The following SCFD2 variants were observed in gnomAD, a reference collection of about 807,000 sequenced individuals.
SCFD2 encodes sec1 family domain-containing protein 2.
A neutral mutation model predicts 58.9 loss-of-function variants in SCFD2; 54 were observed. The ratio of observed to expected loss-of-function variants is 0.92; its 90% CI spans 0.74 to 1.15. The LOEUF (loss-of-function observed/expected upper bound fraction) is 1.15. Ranked by LOEUF, SCFD2 falls within the 50% of genes most tolerant of loss-of-function variation. The pLI, the probability that SCFD2 is intolerant of heterozygous loss-of-function variation, is 0.00. For synonymous variants in SCFD2, 321 were observed against 335.9 expected, an observed-to-expected ratio of 0.96 and a Z score of 0.49; for missense variants, 805 against 836.6, an observed-to-expected ratio of 0.96 and a Z score of 0.47.
chr4:52,902,929 C>A (rs139390129), intron 7 of SCFD2, among the ~76,000 whole-genome samples: 1 of 152,050 alleles, frequency 6.6e-6, no homozygotes, highest in Non-Finnish European at 1.5e-5. Flanking sequence ...TTATAGTAGA[C>A]GTCATGAGGA....
Position 53,329,471 on chromosome 4 carries a change from C to T in SCFD2, c.1008-15708G>A, listed in dbSNP as rs575109832. On this transcript the variant is annotated intron_variant, in intron 2 of 8. Transcript: ENST00000401642. ...CGAGCAGCCTAACTGGGAGGCACCC[C>T]CCAGCAGGGGCACACTGACACCTCA... Among the ~76,000 whole-genome samples the T allele has an allele frequency of 1.9e-3, 290 of 151,400 alleles. 1 individual carries two copies. The highest frequency in any genetic ancestry group is 2.6e-3 in the Non-Finnish European group (173 of 67,800).
intron 5 of SCFD2, among the ~76,000 whole-genome samples, chr4:53,007,348 G>C (rs2148804439): frequency 7.9e-6 from 1 of 126,070 alleles, no homozygotes; most frequent in African/African-American, 3.0e-5. Flanking sequence ...GAGAGAGAGA[G>C]AGAGAAAAGA....
At chr4:53,355,763 G>T (rs1246089640) in intron 1 of SCFD2, among the ~76,000 whole-genome samples, 2 of 151,982 alleles carry the variant, frequency 1.3e-5, no homozygotes, top group Non-Finnish European at 2.9e-5. Context: ...AGCCAAACTG[G>T]GCTCCTAGTG....
intron 4 of SCFD2, among the ~76,000 whole-genome samples, chr4:53,188,621 A>C (rs1303244896): frequency 1.3e-5 from 2 of 152,178 alleles, no homozygotes; most frequent in Non-Finnish European, 2.9e-5. Context: ...TTCATTCTTA[A>C]CGACTGTTAC....
chr4:53,313,135 G>T (rs1027703681), intron 3 of SCFD2, among the ~76,000 whole-genome samples: 3 of 152,130 alleles, frequency 2.0e-5, no homozygotes, highest in African/African-American at 7.2e-5. Context: ...GTAATTCCTG[G>T]TGAAGAAGAA....
intron 5 of SCFD2, among the ~76,000 whole-genome samples, chr4:53,072,216 TA>T (rs1553874160): frequency 6.6e-6 from 1 of 151,996 alleles, no homozygotes. Flanking sequence ...AGAGAAAGGG[TA>T]CTGTTAGCAA....
chr4:52,963,430 C>T (rs888656868), intron 5 of SCFD2, among the ~76,000 whole-genome samples: 11 of 152,210 alleles, frequency 7.2e-5, no homozygotes, highest in Non-Finnish European at 1.3e-4. Flanking sequence ...GGACTGTCTT[C>T]TCTTTCCCAT....
At chr4:53,205,043 A>G (rs1387446426) in intron 4 of SCFD2, among the ~76,000 whole-genome samples, 2 of 152,062 alleles carry the variant, frequency 1.3e-5, no homozygotes, top group Admixed American at 1.3e-4. Context: ...TTGTCTGGAA[A>G]TTACTAGACA....
intron 7 of SCFD2, among the ~76,000 whole-genome samples, chr4:52,894,072 C>G (rs1324434236): frequency 6.6e-6 from 1 of 152,190 alleles, no homozygotes; most frequent in Non-Finnish European, 1.5e-5. Context: ...TGCTCTAGTT[C>G]TCTTTGTGGT....
At chr4:53,169,710 TTTG>T (rs1727121033) in intron 4 of SCFD2, among the ~76,000 whole-genome samples, 1 of 152,240 alleles carries the variant, frequency 6.6e-6, no homozygotes, top group African/African-American at 2.4e-5. Flanking sequence ...CACATCTTTT[TTTG>T]TTGTTTTAAT....
intron 5 of SCFD2, among the ~76,000 whole-genome samples, chr4:53,010,709 A>G (rs1272375075): frequency 2.0e-5 from 3 of 152,192 alleles, no homozygotes. Context: ...CATCTTAGGT[A>G]TGGTATTGGT....
intron 4 of SCFD2, among the ~76,000 whole-genome samples, chr4:53,198,647 T>C (rs1320725844): frequency 6.6e-6 from 1 of 151,862 alleles, no homozygotes; most frequent in Non-Finnish European, 1.5e-5. Flanking sequence ...GGGGATGTTT[T>C]GGTTTTATGC....
chr4:52,987,358 T>G (rs1245928752), intron 5 of SCFD2, among the ~76,000 whole-genome samples: 1 of 152,262 alleles, frequency 6.6e-6, no homozygotes, highest in Non-Finnish European at 1.5e-5. Context: ...TCACTCCCTT[T>G]CTTCTTTTGT....
At chr4:53,335,218 A>T (rs1433829547) in intron 2 of SCFD2, among the ~76,000 whole-genome samples, 1 of 141,518 alleles carries the variant, frequency 7.1e-6, no homozygotes, top group Non-Finnish European at 1.5e-5. Context: ...AAAAAACAAC[A>T]AAAAAAAAAA....
intron 5 of SCFD2, among the ~76,000 whole-genome samples, chr4:52,933,300 G>A (rs1332168743): frequency 1.3e-5 from 2 of 152,024 alleles, no homozygotes; most frequent in Non-Finnish European, 2.9e-5. Flanking sequence ...TACCCGGCCC[G>A]ACCCCAGTCC....
chr4:53,068,435 A>G (rs1416182954), intron 5 of SCFD2, among the ~76,000 whole-genome samples: 1 of 152,116 alleles, frequency 6.6e-6, no homozygotes, highest in African/African-American at 2.4e-5. Context: ...TTTAGTATTG[A>G]TGAAGGAGAG....
At chr4:53,215,792 T>A (rs551532862) in intron 4 of SCFD2, among the ~76,000 whole-genome samples, 25 of 152,228 alleles carry the variant, frequency 1.6e-4, no homozygotes, top group African/African-American at 5.8e-4. Context: ...TTGTCATAAA[T>A]AGCTCTTATT....
chr4:53,346,019 C>T (rs956026465), intron 2 of SCFD2, among the ~76,000 whole-genome samples: 1 of 152,072 alleles, frequency 6.6e-6, no homozygotes, highest in Admixed American at 6.6e-5. Context: ...TTGATGGGTG[C>T]AGCAAACCAA....
At chr4:52,962,787 C>T (rs1362779793) in intron 5 of SCFD2, among the ~76,000 whole-genome samples, 1 of 152,222 alleles carries the variant, frequency 6.6e-6, no homozygotes, top group Non-Finnish European at 1.5e-5. Context: ...CCCAGACTGG[C>T]TCTCCCAGAT....
Sources: allele counts gnomAD v4.1 joint callset (sites outside exome capture counted in the v4.1 genomes callset), GRCh38; gene constraint gnomAD v4.1.1; transcripts MANE v1.5; gene names NCBI Gene and HGNC (gene_info 2026-07-23, HGNC 2026-07-21).